The following FAM107B variants were observed in gnomAD, a reference collection of about 807,000 sequenced individuals.
FAM107B encodes protein FAM107B.
FAM107B carries 21 observed loss-of-function variants against 31.5 expected under a neutral mutation model. That is an observed-to-expected ratio of 0.67 (90% CI 0.47 to 0.96). FAM107B has a LOEUF of 0.96. Ranked by LOEUF, FAM107B falls within the 40% of genes least tolerant of loss-of-function variation. The pLI is 0.00. For missense variants in FAM107B, 452 were observed against 377.1 expected, an observed-to-expected ratio of 1.20 and a Z score of -1.64; for synonymous variants, 157 against 141.5, an observed-to-expected ratio of 1.11 and a Z score of -0.78.
chr10:14,744,052 T>G (rs1832676960), intron 1 of FAM107B, among the ~76,000 whole-genome samples: 1 of 152,224 alleles, frequency 6.6e-6, no homozygotes, highest in African/African-American at 2.4e-5. Context: ...GTAGTTCTCC[T>G]TGAAGAGGTC....
chr10:14,767,497 T>C (rs1014813807), intron 1 of FAM107B, among the ~76,000 whole-genome samples: 3 of 151,996 alleles, frequency 2.0e-5, no homozygotes, highest in African/African-American at 7.2e-5. Context: ...GTTCCTGGAA[T>C]ACAATGATGG....
At chr10:14,572,431 T>C in intron 2 of FAM107B, 4 of 984,378 alleles carry the variant, frequency 4.1e-6, no homozygotes, top group Non-Finnish European at 4.8e-6. Context: ...TCGCACTTCT[T>C]AGAGCATCAC....
chr10:14,603,615 T>G (rs2131377965), intron 2 of FAM107B, among the ~76,000 whole-genome samples: 1 of 152,294 alleles, frequency 6.6e-6, no homozygotes, highest in Middle Eastern at 3.4e-3. Flanking sequence ...TAAAGATGCC[T>G]GGGGGAAATT....
At chr10:14,756,312 G>A (rs564249664) in intron 1 of FAM107B, among the ~76,000 whole-genome samples, 42 of 152,250 alleles carry the variant, frequency 2.8e-4, no homozygotes, top group African/African-American at 9.9e-4. Context: ...TGTCAATTTG[G>A]CTAGGGCACA....
intron 1 of FAM107B, among the ~76,000 whole-genome samples, chr10:14,713,720 A>G (rs1855714815): frequency 6.6e-6 from 1 of 152,232 alleles, no homozygotes; most frequent in Admixed American, 6.5e-5. Context: ...AAAAACAGAC[A>G]TATGTACATG....
intron 1 of FAM107B, among the ~76,000 whole-genome samples, chr10:14,761,887 C>T (rs1166856249): frequency 1.3e-5 from 2 of 152,196 alleles, no homozygotes; most frequent in African/African-American, 4.8e-5. Flanking sequence ...GCATCCGCCA[C>T]CGCACCGGGC....
intron 2 of FAM107B, among the ~76,000 whole-genome samples, chr10:14,559,322 G>T (rs763457061): frequency 6.6e-6 from 1 of 152,122 alleles, no homozygotes; most frequent in Non-Finnish European, 1.5e-5. Flanking sequence ...ACCCACCTGC[G>T]CAGCCAGCCT....
At chr10:14,698,714 C>G (rs1855325843) in intron 1 of FAM107B, among the ~76,000 whole-genome samples, 1 of 152,192 alleles carries the variant, frequency 6.6e-6, no homozygotes, top group African/African-American at 2.4e-5. Context: ...CCTGCTGACT[C>G]AGGGTTATCT....
In FAM107B at chr10:14,573,576, CAAAAAAA is replaced by C. The variant is rs774786735; in HGVS notation, c.470-43068_470-43062del. Among the ~76,000 whole-genome samples, 410 of 122,034 alleles carry C rather than the reference CAAAAAAA, an allele frequency of 3.4e-3. 2 individuals carry two copies. Among genetic ancestry groups the C allele is most frequent in the African/African-American group, 0.012 (382 of 30,916 alleles). 80.1% of individuals were successfully genotyped at this position (122,034 alleles called of 152,430 possible). ...TGAAACCCCATCTCTATTAAAAATA[CAAAAAAA>C]AAAAAAAAAAATTAGCAGGACATGG... On this transcript the variant is annotated intron_variant, in intron 2 of 4. Coordinates refer to ENST00000181796, the MANE Select transcript of FAM107B (RefSeq NM_031453.4).
chr10:14,564,634 C>T (rs954767073), intron 2 of FAM107B, among the ~76,000 whole-genome samples: 1 of 152,116 alleles, frequency 6.6e-6, no homozygotes, highest in African/African-American at 2.4e-5. Context: ...TGACTTCCTC[C>T]CACCCAAATT....
intron 1 of FAM107B, among the ~76,000 whole-genome samples, chr10:14,673,890 A>G (rs1364574663): frequency 6.6e-6 from 1 of 152,062 alleles, no homozygotes; most frequent in Non-Finnish European, 1.5e-5. Context: ...TTTTTAATAT[A>G]CTTGGCTATT....
At chr10:14,719,790 C>CT (rs1855868719) in intron 1 of FAM107B, among the ~76,000 whole-genome samples, 1 of 142,420 alleles carries the variant, frequency 7.0e-6, no homozygotes, top group East Asian at 1.9e-4. Flanking sequence ...CACACCATCT[C>CT]TGTCTTCCGT....
intron 1 of FAM107B, among the ~76,000 whole-genome samples, chr10:14,690,816 G>C (rs529867271): frequency 4.6e-5 from 7 of 152,116 alleles, no homozygotes; most frequent in Non-Finnish European, 7.4e-5. Flanking sequence ...TTTCCTGCTG[G>C]AACCTTGACT....
At position 14,682,373 on chromosome 10, in the gene FAM107B, A is replaced by T. The variant is rs117791435; in HGVS notation, c.412-14682T>A. Among the ~76,000 whole-genome samples, 401 of 152,232 alleles carry T rather than the reference A, an allele frequency of 2.6e-3. 6 individuals carry two copies. The East Asian group carries it at 0.037, about 14-fold the overall frequency. ...GTGAAACCTCGCCTCTACTAAAAAC[A>T]TAAAAATTAGCTGGGCTTGGTGGCG... On this transcript the variant is annotated intron_variant, in intron 1 of 4. Coordinates refer to ENST00000181796, the MANE Select transcript of FAM107B (RefSeq NM_031453.4).
intron 1 of FAM107B, among the ~76,000 whole-genome samples, chr10:14,728,509 C>G (rs542714237): frequency 6.6e-6 from 1 of 152,250 alleles, no homozygotes; most frequent in South Asian, 2.1e-4. Context: ...TCAAGCTGGA[C>G]CAGCAGGGGT....
chr10:14,621,580 A>T (rs1234480513), intron 2 of FAM107B, among the ~76,000 whole-genome samples: 1 of 146,402 alleles, frequency 6.8e-6, no homozygotes, highest in Non-Finnish European at 1.5e-5. Flanking sequence ...TATAAAAAGG[A>T]AACTAATTTT....
At chr10:14,707,204 CG>C (rs1353161566) in intron 1 of FAM107B, among the ~76,000 whole-genome samples, 1 of 152,026 alleles carries the variant, frequency 6.6e-6, no homozygotes, top group African/African-American at 2.4e-5. Context: ...GTAAATTTCA[CG>C]TTATGTGTAT....
intron 2 of FAM107B, among the ~76,000 whole-genome samples, chr10:14,652,132 C>T (rs1300721982): frequency 7.6e-6 from 1 of 131,448 alleles, no homozygotes; most frequent in Non-Finnish European, 1.6e-5. Context: ...AGATCTAAAA[C>T]ATAGATATTC....
chr10:14,626,504 T>TTC (rs1853167431), intron 2 of FAM107B, among the ~76,000 whole-genome samples: 1 of 106,004 alleles, frequency 9.4e-6, no homozygotes, highest in Admixed American at 1.1e-4. Flanking sequence ...CGGATCTTTT[T>TTC]TTTCTTTTTT....
Sources: allele counts gnomAD v4.1 joint callset (sites outside exome capture counted in the v4.1 genomes callset), GRCh38; gene constraint gnomAD v4.1.1; transcripts MANE v1.5; gene names NCBI Gene and HGNC (gene_info 2026-07-23, HGNC 2026-07-21).